ST7L: variants seen among roughly 807,000 people sequenced by gnomAD.
ST7L encodes suppressor of tumorigenicity 7 protein-like.
A neutral mutation model predicts 72.5 loss-of-function variants in ST7L; 57 were observed. The observed-to-expected ratio is 0.79, with a 90% CI of 0.64 to 0.98. The LOEUF is 0.98. Ranked by LOEUF, ST7L falls within the 50% of genes least tolerant of loss-of-function variation. The pLI is 0.00. For missense variants in ST7L, 576 were observed against 672.2 expected, an observed-to-expected ratio of 0.86 and a Z score of 1.58; for synonymous variants, 221 against 240.9, an observed-to-expected ratio of 0.92 and a Z score of 0.77.
intron 4 of ST7L, among the ~76,000 whole-genome samples, chr1:112,599,127 T>C (rs867644943): frequency 1.2e-4 from 12 of 103,846 alleles, no homozygotes; most frequent in African/African-American, 4.1e-4. Context: ...TGTGTGTGTA[T>C]ACACACACAC....
intron 2 of ST7L, among the ~76,000 whole-genome samples, chr1:112,614,607 T>C (rs1669572708): frequency 6.6e-6 from 1 of 152,072 alleles, no homozygotes; most frequent in African/African-American, 2.4e-5. Flanking sequence ...ATAGATCCAA[T>C]ACAAATGCTA....
chr1:112,573,996 C>T (rs1055415200), intron 11 of ST7L, among the ~76,000 whole-genome samples: 5 of 141,604 alleles, frequency 3.5e-5, no homozygotes, highest in Non-Finnish European at 7.6e-5. Flanking sequence ...CTCACTGCAA[C>T]CTTCATCTCT....
intron 14 of ST7L, among the ~76,000 whole-genome samples, chr1:112,537,632 T>C (rs1655427543): frequency 6.6e-6 from 1 of 152,258 alleles, no homozygotes; most frequent in Non-Finnish European, 1.5e-5. Flanking sequence ...TCCAGCAGGC[T>C]TCAAAGCAGG....
intron 11 of ST7L, among the ~76,000 whole-genome samples, chr1:112,559,699 G>A (rs1659782336): frequency 6.6e-6 from 1 of 151,878 alleles, no homozygotes; most frequent in Non-Finnish European, 1.5e-5. Context: ...AATCTTCCTT[G>A]GCTGGGCGCA....
At chr1:112,612,414 GA>G (rs1669213497) in intron 2 of ST7L, among the ~76,000 whole-genome samples, 1 of 152,026 alleles carries the variant, frequency 6.6e-6, no homozygotes. Flanking sequence ...TAATATTTTT[GA>G]AAACTATTTT....
At chr1:112,532,968 C>A (rs2101225075) in intron 14 of ST7L, among the ~76,000 whole-genome samples, 1 of 152,270 alleles carries the variant, frequency 6.6e-6, no homozygotes, top group African/African-American at 2.4e-5. Flanking sequence ...ATATTTTAGA[C>A]CAAAAGTTTA....
At position 112,582,360 on chromosome 1, in the gene ST7L, C is replaced by A; in HGVS notation, c.954+15G>T. The A allele has an allele frequency of 2.6e-6, 4 of 1,551,450 alleles. No individual in the cohort carries two copies. Among genetic ancestry groups the A allele is most frequent in the Non-Finnish European group, 3.5e-6 (4 of 1,127,284 alleles). ...GGAGGAATAAATGTAATAGTCCCAT[C>A]ATCAATTTACTTACATCTCTCATTA... On this transcript the variant is annotated intron_variant, in intron 8 of 14. Coordinates refer to ENST00000358039, the MANE Select transcript of ST7L (RefSeq NM_017744.5).
At chr1:112,541,771 T>A in intron 14 of ST7L, 180 bp downstream of exon 14, 1 of 1,322,164 alleles carries the variant, frequency 7.6e-7, no homozygotes, top group South Asian at 2.5e-5. Context: ...GCAACAGAAG[T>A]AGCTCAAATC....
At chr1:112,533,211 G>A (rs917546958) in intron 14 of ST7L, among the ~76,000 whole-genome samples, 2 of 152,162 alleles carry the variant, frequency 1.3e-5, no homozygotes, top group Non-Finnish European at 2.9e-5. Flanking sequence ...AGTAACGTTT[G>A]AGTATGCAAT....
chr1:112,550,133 G>T (rs1303969289), intron 13 of ST7L, among the ~76,000 whole-genome samples: 1 of 152,110 alleles, frequency 6.6e-6, no homozygotes, highest in Admixed American at 6.6e-5. Context: ...CTTGGTCATG[G>T]TATATAAGCC....
At chr1:112,559,839 C>T (rs990802416) in intron 11 of ST7L, among the ~76,000 whole-genome samples, 5 of 151,296 alleles carry the variant, frequency 3.3e-5, no homozygotes, top group South Asian at 2.1e-4. Flanking sequence ...ATTAGCCAGG[C>T]GTGGTGGCGG....
chr1:112,617,717 T>A (rs3034521), intron 1 of ST7L, among the ~76,000 whole-genome samples: 40,815 of 125,656 alleles, frequency 0.32, 6,600 homozygotes, highest in South Asian at 0.47. Flanking sequence ...TTTCTCTCTC[T>A]CACACACACA....
At chr1:112,589,736 G>A (rs1665406074) in intron 6 of ST7L, among the ~76,000 whole-genome samples, 1 of 152,188 alleles carries the variant, frequency 6.6e-6, no homozygotes, top group South Asian at 2.1e-4. Context: ...GGCTCTGTGT[G>A]GGTGCTAGGG....
At chr1:112,610,786 A>T in intron 3 of ST7L, 55 bp downstream of exon 3, 1 of 1,584,610 alleles carries the variant, frequency 6.3e-7, no homozygotes, top group Non-Finnish European at 8.6e-7. Context: ...TATCTCCCAG[A>T]GCCAAACTCA....
chr1:112,578,426 A>G lies in ST7L; in HGVS notation c.1070-9T>C, dbSNP rs755812863. 6.2e-7 allele frequency: 1 copy of G among 1,613,082 alleles called. No individual in the cohort carries two copies. Among genetic ancestry groups the G allele is most frequent in the Non-Finnish European group, 8.5e-7 (1 of 1,179,118 alleles). ...CTTTGGAAGGCTTATATCTGTAACG[A>G]TAATTTTCAATTTAGGTAGGAATTA... On this transcript the variant is annotated splice_polypyrimidine_tract_variant and intron_variant, in intron 9 of 14. Transcript: ENST00000358039.
At chr1:112,574,642 G>A (rs1170776088) in intron 11 of ST7L, among the ~76,000 whole-genome samples, 4 of 146,340 alleles carry the variant, frequency 2.7e-5, no homozygotes, top group Non-Finnish European at 6.0e-5. Flanking sequence ...CTGGGCGACA[G>A]AACAAGACTC....
chr1:112,584,252 A>C, intron 6 of ST7L, 126 bp from the exon 7 acceptor site: 1 of 999,662 alleles, frequency 1.0e-6, no homozygotes, highest in Non-Finnish European at 1.4e-6. Context: ...AAAAAAAAAA[A>C]CCTTCGTTCA....
chr1:112,552,022 G>A (rs1449982200), intron 12 of ST7L, among the ~76,000 whole-genome samples: 1 of 152,184 alleles, frequency 6.6e-6, no homozygotes, highest in Admixed American at 6.5e-5. Flanking sequence ...TCAGGGTCAA[G>A]CACGGCCAGA....
intron 5 of ST7L, among the ~76,000 whole-genome samples, chr1:112,592,257 TAAAC>T (rs963874216): frequency 3.3e-5 from 5 of 152,120 alleles, no homozygotes; most frequent in Admixed American, 3.3e-4. Flanking sequence ...TTTAATTAAA[TAAAC>T]AAATAAAGTA....
Sources: allele counts gnomAD v4.1 joint callset (sites outside exome capture counted in the v4.1 genomes callset), GRCh38; gene constraint gnomAD v4.1.1; transcripts MANE v1.5; gene names NCBI Gene and HGNC (gene_info 2026-07-23, HGNC 2026-07-21).